Variants in PLPPR1 observed in about 807,000 individuals in gnomAD.
PLPPR1 encodes phospholipid phosphatase related 1.
A neutral mutation model predicts 33.1 loss-of-function variants in PLPPR1; 10 were observed. That is an observed-to-expected ratio of 0.30 (90% CI 0.19 to 0.51). PLPPR1 has a LOEUF of 0.51. PLPPR1 is among the 20% of genes least tolerant of loss of function. The pLI is 0.97. For synonymous variants in PLPPR1, 151 were observed against 151.0 expected (o/e 1.00, Z 0.00); for missense variants, 304 against 408.1 (o/e 0.74, Z 2.20).
chr9:101,225,864 C>T (rs1396056645), intron 2 of PLPPR1, among the ~76,000 whole-genome samples: 1 of 151,882 alleles, frequency 6.6e-6, no homozygotes, highest in African/African-American at 2.4e-5. Context: ...TTTACCAAAC[C>T]AGTTGTCAAT....
At chr9:101,321,796 TAC>T (rs1829155540) in intron 7 of PLPPR1, among the ~76,000 whole-genome samples, 1 of 148,262 alleles carries the variant, frequency 6.7e-6, no homozygotes, top group African/African-American at 2.4e-5. Context: ...TATATTTATA[TAC>T]ATATATAAGT....
intron 2 of PLPPR1, among the ~76,000 whole-genome samples, chr9:101,208,781 G>A (rs759231719): frequency 6.6e-6 from 1 of 152,162 alleles, no homozygotes; most frequent in Non-Finnish European, 1.5e-5. Context: ...CTAATTCATT[G>A]TAATTTGGTA....
chr9:101,051,230 C>A (rs1830217673), intron 1 of PLPPR1, among the ~76,000 whole-genome samples: 2 of 149,536 alleles, frequency 1.3e-5, no homozygotes, highest in South Asian at 4.3e-4. Context: ...TTCTCTCCAT[C>A]CCTTCCAATT....
chr9:101,314,725 A>G (rs1304899754), intron 6 of PLPPR1, among the ~76,000 whole-genome samples: 2 of 150,890 alleles, frequency 1.3e-5, no homozygotes, highest in Admixed American at 6.6e-5. Flanking sequence ...GACTTGCTGG[A>G]CAGTGTTGTC....
At chr9:101,287,302 A>G (rs1007523396) in intron 4 of PLPPR1, among the ~76,000 whole-genome samples, 3 of 152,206 alleles carry the variant, frequency 2.0e-5, no homozygotes, top group African/African-American at 4.8e-5. Context: ...CCTGATCAAT[A>G]TGATGCCACT....
rs1007238515 is a variant in PLPPR1, at chr9:101,324,712, T to G, written c.*655T>G. The stretch of plus-strand genomic sequence containing the variant: ...TAGATAATGGCCTCTACTAAATAAC[T>G]CAAGATCTTTCTGGAATGTCTTCTG... On this transcript the variant is annotated 3_prime_UTR_variant, in exon 8 of 8. Coordinates refer to ENST00000374874, the MANE Select transcript of PLPPR1 (RefSeq NM_207299.2). 1 of 152,616 alleles carries G rather than the reference T, an allele frequency of 6.6e-6. No homozygotes were observed. Among genetic ancestry groups the G allele is most frequent in the Non-Finnish European group, 1.5e-5 (1 of 68,038 alleles). 9.5% of individuals were successfully genotyped at this position (152,616 alleles called of 1,614,324 possible).
At chr9:101,280,566 A>G (rs984426604) in intron 3 of PLPPR1, among the ~76,000 whole-genome samples, 1 of 152,124 alleles carries the variant, frequency 6.6e-6, no homozygotes, top group Non-Finnish European at 1.5e-5. Context: ...AACACATTAA[A>G]AAGATCATTT....
chr9:101,119,668 A>G (rs891954594), intron 1 of PLPPR1, among the ~76,000 whole-genome samples: 22 of 152,222 alleles, frequency 1.4e-4, no homozygotes, highest in African/African-American at 4.8e-4. Flanking sequence ...GACCAGCCTA[A>G]CACCATAACA....
intron 2 of PLPPR1, among the ~76,000 whole-genome samples, chr9:101,199,427 T>C (rs1276651258): frequency 1.3e-5 from 2 of 152,216 alleles, no homozygotes; most frequent in East Asian, 1.9e-4. Context: ...TTATTCTCTG[T>C]CCTAATGTCA....
intron 4 of PLPPR1, among the ~76,000 whole-genome samples, chr9:101,292,185 G>T (rs1417557283): frequency 2.6e-5 from 4 of 152,272 alleles, no homozygotes; most frequent in African/African-American, 7.2e-5. Context: ...GGAAGAAAGG[G>T]TATCAGCAAT....
chr9:101,276,002 A>G (rs1828185391), intron 3 of PLPPR1, among the ~76,000 whole-genome samples: 1 of 152,024 alleles, frequency 6.6e-6, no homozygotes, highest in Admixed American at 6.6e-5. Context: ...AAATGTAAAA[A>G]CCCAGAGCAC....
intron 1 of PLPPR1, among the ~76,000 whole-genome samples, chr9:101,092,020 C>A (rs1830747180): frequency 6.6e-6 from 1 of 152,154 alleles, no homozygotes; most frequent in Non-Finnish European, 1.5e-5. Context: ...TTGCTTACAT[C>A]CCCAGCTGCT....
chr9:101,236,693 T>C (rs946651425), intron 2 of PLPPR1, among the ~76,000 whole-genome samples: 1 of 151,712 alleles, frequency 6.6e-6, no homozygotes, highest in African/African-American at 2.4e-5. Flanking sequence ...CGTGTAATGA[T>C]CAAATCAGGA....
Position 101,317,258 on chromosome 9 carries a change from G to T in PLPPR1, c.814-107G>T, listed in dbSNP as rs148951655. On this transcript the variant is annotated intron_variant, in intron 6 of 7. Coordinates refer to ENST00000374874, the MANE Select transcript of PLPPR1 (RefSeq NM_207299.2). ...CCTTTCCCCTCTCTCAAAGGAAAAA[G>T]GTCACTCTGGTGATGATATTCAAGG... 2.7e-3 allele frequency: 3,277 copies of T among 1,199,878 alleles called. 39 individuals are homozygous for T. In the African/African-American group the frequency reaches 0.031, roughly 12 times the overall value. 74.3% of individuals were successfully genotyped at this position (1,199,878 alleles called of 1,614,324 possible). A position where few individuals can be genotyped will look rare whatever the true frequency, so the allele number is the denominator to read the frequency against.
Position 101,266,634 on chromosome 9 carries a change from G to A in PLPPR1, c.64-3246G>A, listed in dbSNP as rs113459100. On this transcript the variant is annotated intron_variant, in intron 2 of 7. Coordinates refer to ENST00000374874, the MANE Select transcript of PLPPR1 (RefSeq NM_207299.2). ...TTTTTATAAACTTTTAATTTATCCA[G>A]TTCTCTCTGAATGCTGCTTCCGGGA... Among the ~76,000 whole-genome samples the A allele has an allele frequency of 2.6e-4, 40 of 152,200 alleles. 1 individual carries two copies. Among genetic ancestry groups the A allele is most frequent in the African/African-American group, 7.7e-4 (32 of 41,528 alleles).
intron 1 of PLPPR1, among the ~76,000 whole-genome samples, chr9:101,080,369 C>G (rs1830602569): frequency 6.6e-6 from 1 of 152,054 alleles, no homozygotes; most frequent in South Asian, 2.1e-4. Context: ...CAAAAATTAG[C>G]AAGGCATGGT....
intron 1 of PLPPR1, among the ~76,000 whole-genome samples, chr9:101,096,051 C>T (rs1456878911): frequency 6.6e-6 from 1 of 152,072 alleles, no homozygotes; most frequent in Non-Finnish European, 1.5e-5. Flanking sequence ...CAGTAAAAGC[C>T]TTACAATTGC....
intron 6 of PLPPR1, among the ~76,000 whole-genome samples, chr9:101,314,423 CTTCT>C (rs995794990): frequency 1.3e-5 from 2 of 152,112 alleles, no homozygotes; most frequent in South Asian, 2.1e-4. Context: ...GATTGGGAAG[CTTCT>C]TTCTAATTCA....
chr9:101,216,007 C>T (rs1474485786), intron 2 of PLPPR1, among the ~76,000 whole-genome samples: 1 of 152,108 alleles, frequency 6.6e-6, no homozygotes, highest in Non-Finnish European at 1.5e-5. Flanking sequence ...TATATATCAG[C>T]AGTGGGATTA....
Sources: allele counts gnomAD v4.1 joint callset (sites outside exome capture counted in the v4.1 genomes callset), GRCh38; gene constraint gnomAD v4.1.1; transcripts MANE v1.5; gene names NCBI Gene and HGNC (gene_info 2026-07-23, HGNC 2026-07-21).